The following PLCG1 variants were observed in gnomAD, a reference collection of about 807,000 sequenced individuals.
The protein encoded by PLCG1 is phospholipase C gamma 1, also known as 1-phosphatidylinositol 4,5-bisphosphate phosphodiesterase gamma-1.
Under a neutral mutation model 177.8 loss-of-function variants are expected in PLCG1, and 71 were observed. The observed-to-expected ratio is 0.40, with a 90% CI of 0.33 to 0.49. The LOEUF (loss-of-function observed/expected upper bound fraction) is 0.49. Among genes scored for constraint, PLCG1 ranks in the 20% least tolerant of loss-of-function variants. PLCG1 has a pLI of 0.72. For missense variants in PLCG1, 1,281 were observed against 1,709.0 expected, an observed-to-expected ratio of 0.75 and a Z score of 4.42; for synonymous variants, 658 against 647.9, an observed-to-expected ratio of 1.02 and a Z score of -0.24.
At chr20:41,139,536 C>T (rs1344557423) in intron 1 of PLCG1, among the ~76,000 whole-genome samples, 1 of 152,120 alleles carries the variant, frequency 6.6e-6, no homozygotes, top group Non-Finnish European at 1.5e-5. Context: ...TGTGTGTTTC[C>T]CGGCCAGTTA....
At position 41,167,591 on chromosome 20, in the gene PLCG1, T is replaced by C. The variant is rs1418003449; in HGVS notation, c.2302-261T>C. ...CCACCTGCACATAGCTCAGAAATAC[T>C]TGGGAGTTTGGGCATTTAGGACCTG... On this transcript the variant is annotated intron_variant, in intron 19 of 31. Transcript: ENST00000685551. This position sits in a 1 kb window ranked among gnomAD's most constrained non-coding sequence, Gnocchi z 4.4. The C allele has an allele frequency of 3.9e-6, 2 of 508,510 alleles. No individual in the cohort carries two copies. Among genetic ancestry groups the C allele is most frequent in the South Asian group, 4.6e-5 (2 of 43,728 alleles). The allele number at this position is 508,510 out of a possible 1,614,324, so 31.5% of individuals were successfully genotyped here. A position where few individuals can be genotyped will look rare whatever the true frequency, so the allele number is the denominator to read the frequency against.
rs1168423370 is a variant in PLCG1 at position 41,151,432 on chromosome 20, T to C, written c.218-8174T>C. On this transcript the variant is annotated intron_variant, in intron 1 of 31. Coordinates refer to ENST00000685551, the MANE Select transcript of PLCG1 (RefSeq NM_002660.3). This position sits in a 1 kb window ranked among gnomAD's most constrained non-coding sequence, Gnocchi z 5.5. ...TGGTTTGAAGGCAGCTGCTGCACAG[T>C]AATGGGAAGGACAGTAAGCCCCACC... Among the ~76,000 whole-genome samples, 2 of 152,228 alleles carry C rather than the reference T, an allele frequency of 1.3e-5. No homozygotes were observed. The highest frequency in any genetic ancestry group is 4.8e-5 in the African/African-American group (2 of 41,470).
In PLCG1 at chr20:41,148,866, A is replaced by G. The variant is rs548908226; in HGVS notation, c.218-10740A>G. Among the ~76,000 whole-genome samples the G allele has an allele frequency of 6.6e-6, 1 of 152,254 alleles. No individual in the cohort carries two copies. The highest frequency in any genetic ancestry group is 2.4e-5 in the African/African-American group (1 of 41,538). On this transcript the variant is annotated intron_variant, in intron 1 of 31. Coordinates refer to ENST00000685551, the MANE Select transcript of PLCG1 (RefSeq NM_002660.3). This position sits in a 1 kb window ranked among gnomAD's most constrained non-coding sequence, Gnocchi z 4.3. ...GCATTACAGAGCACACGTCTAGGGT[A>G]CAGGCAGTCTTGGCTTTGAAGTATT...
At chr20:41,139,262 G>C (rs890374642) in intron 1 of PLCG1, among the ~76,000 whole-genome samples, 5 of 152,198 alleles carry the variant, frequency 3.3e-5, no homozygotes, top group African/African-American at 1.2e-4. Context: ...ACATTTTAGT[G>C]ACTTGAGAGC....
At chr20:41,143,471 TG>T (rs903442194) in intron 1 of PLCG1, among the ~76,000 whole-genome samples, 8 of 152,042 alleles carry the variant, frequency 5.3e-5, no homozygotes. Flanking sequence ...GAGATGGGTG[TG>T]GGATAGGAGG....
At position 41,174,373 on chromosome 20, in the gene PLCG1, GT is replaced by G. The variant is rs869256984; in HGVS notation, c.3833+65del. On this transcript the variant is annotated intron_variant, in intron 31 of 31. Coordinates refer to ENST00000685551, the MANE Select transcript of PLCG1 (RefSeq NM_002660.3). This position sits in a 1 kb window ranked among gnomAD's most constrained non-coding sequence, Gnocchi z 5.8. ...AGTGGCTAGGTCCTCCTTCTTCAGT[GT>G]TTCTTTCTCCTGGGTAGAAAAGTTG... 1 of 1,602,286 alleles carries G rather than the reference GT, an allele frequency of 6.2e-7. No homozygotes were observed. Among genetic ancestry groups the G allele is most frequent in the African/African-American group, 1.3e-5 (1 of 74,640 alleles).
Position 41,176,443 on chromosome 20 carries a change from T to TATC in PLCG1, c.*1936_*1938dup, listed in dbSNP as rs969823603. 18 of 152,234 alleles carry TATC rather than the reference T, an allele frequency of 1.2e-4. No individual in the cohort carries two copies. Among genetic ancestry groups the TATC allele is most frequent in the Admixed American group, 9.8e-4 (15 of 15,286 alleles). 9.4% of individuals were successfully genotyped at this position (152,234 alleles called of 1,614,324 possible). On this transcript the variant is annotated 3_prime_UTR_variant, in exon 32 of 32. Coordinates refer to ENST00000685551, the MANE Select transcript of PLCG1 (RefSeq NM_002660.3). ...TTATGGCCTGGAGAGAAAGGTTTCC[T>TATC]ATCAGAGAAGGAAGAGGACTGTGTA...
chr20:41,176,020 C>G lies in PLCG1; in HGVS notation c.*1511C>G, dbSNP rs1170749060. ...CAACCAGAGCCCCTTTCCAGTTCCA[C>G]AGAAACCTCTCCTTTCAAAAATGTT... is the stretch of plus-strand genomic sequence containing the variant. On this transcript the variant is annotated 3_prime_UTR_variant, in exon 32 of 32. Transcript: ENST00000685551. 1.3e-5 allele frequency: 2 copies of G among 152,200 alleles called. No homozygotes were observed. The highest frequency in any genetic ancestry group is 4.8e-5 in the African/African-American group (2 of 41,436). 9.4% of individuals were successfully genotyped at this position (152,200 alleles called of 1,614,324 possible).
At chr20:41,171,728 C>T (rs538366562) in intron 24 of PLCG1, among the ~76,000 whole-genome samples, 11 of 151,688 alleles carry the variant, frequency 7.3e-5, no homozygotes, top group African/African-American at 1.9e-4. Context: ...GAGTTGGGGG[C>T]GCTGAGGCAG....
Position 41,167,443 on chromosome 20 carries a change from A to C in PLCG1, c.2302-409A>C, listed in dbSNP as rs1369162694. Among the ~76,000 whole-genome samples the C allele has an allele frequency of 6.6e-6, 1 of 152,126 alleles. No individual in the cohort carries two copies. On this transcript the variant is annotated intron_variant, in intron 19 of 31. Coordinates refer to ENST00000685551, the MANE Select transcript of PLCG1 (RefSeq NM_002660.3). This position sits in a 1 kb window ranked among gnomAD's most constrained non-coding sequence, Gnocchi z 4.4. ...GTTGTCCACTGGCACCTGGGACTCA[A>C]GTGATGGAGAGGAGCGGCAGGAGGA... is the stretch of plus-strand genomic sequence containing the variant.
Position 41,169,064 on chromosome 20 carries a change from C to T in PLCG1, c.2484-15C>T, listed in dbSNP as rs372994756. On this transcript the variant is annotated splice_polypyrimidine_tract_variant and intron_variant, in intron 21 of 31. Transcript: ENST00000685551. ...GGGGTGGTTGCTGGAGGTCAGCACC[C>T]TGTGGCTCCCACAGGTGGCGAGGGG... 4 of 1,604,820 alleles carry T rather than the reference C, an allele frequency of 2.5e-6. No individual in the cohort carries two copies. In the African/African-American group the frequency reaches 4.0e-5, roughly 16 times the overall value.
rs2035751723 is a variant in PLCG1 at position 41,167,759 on chromosome 20, C to CT, written c.2302-92dup. 1.1e-6 allele frequency: 1 copy of CT among 896,026 alleles called. No individual in the cohort carries two copies. Among genetic ancestry groups the CT allele is most frequent in the Admixed American group, 2.0e-5 (1 of 51,240 alleles). The allele number at this position is 896,026 out of a possible 1,614,324, so 55.5% of individuals were successfully genotyped here. The stretch of plus-strand genomic sequence containing the variant: ...GTGGATCAGGTGCAAGTTTGCTGCA[C>CT]TGGGGGAAAGGGAAGCTGCTCCAGA... On this transcript the variant is annotated intron_variant, in intron 19 of 31. Transcript: ENST00000685551. This position sits in a 1 kb window ranked among gnomAD's most constrained non-coding sequence, Gnocchi z 4.4.
intron 24 of PLCG1, chr20:41,170,525 A>C: frequency 2.2e-6 from 1 of 452,700 alleles, no homozygotes; most frequent in Non-Finnish European, 4.0e-6. Context: ...AATTGGATAC[A>C]CAAGACCAGA....
rs1289792219 is a variant in PLCG1 at position 41,173,614 on chromosome 20, C to T, written c.3395-38C>T. 2.5e-6 allele frequency: 4 copies of T among 1,613,998 alleles called. No homozygotes were observed. The highest frequency in any genetic ancestry group is 1.3e-5 in the African/African-American group (1 of 74,884). ...TCCCCACCAGTCATCCCATCCTCTC[C>T]CACGGTGACCTGAAGCCTTTTGTCG... On this transcript the variant is annotated intron_variant, in intron 28 of 31. Coordinates refer to ENST00000685551, the MANE Select transcript of PLCG1 (RefSeq NM_002660.3). The surrounding 1 kb of genome is among the most constrained non-coding windows in gnomAD (Gnocchi z 6.2).
At chr20:41,143,605 C>T (rs1483213165) in intron 1 of PLCG1, among the ~76,000 whole-genome samples, 4 of 152,164 alleles carry the variant, frequency 2.6e-5, no homozygotes, top group African/African-American at 9.7e-5. Context: ...GGTGGAGCCA[C>T]GGGTGAGGAG....
At chr20:41,143,015 A>C (rs568289152) in intron 1 of PLCG1, among the ~76,000 whole-genome samples, 5 of 152,218 alleles carry the variant, frequency 3.3e-5, no homozygotes, top group African/African-American at 1.2e-4. Flanking sequence ...TGCAGCTCTC[A>C]GCAGTCCCTC....
chr20:41,172,155 T>G lies in PLCG1; in HGVS notation c.2809-38T>G, dbSNP rs1309682920. 1.3e-6 allele frequency: 2 copies of G among 1,530,742 alleles called. No homozygotes were observed. The highest frequency in any genetic ancestry group is 1.8e-6 in the Non-Finnish European group (2 of 1,103,796). 94.8% of individuals were successfully genotyped at this position (1,530,742 alleles called of 1,614,324 possible). On this transcript the variant is annotated intron_variant, in intron 24 of 31. Coordinates refer to ENST00000685551, the MANE Select transcript of PLCG1 (RefSeq NM_002660.3). This position sits in a 1 kb window ranked among gnomAD's most constrained non-coding sequence, Gnocchi z 7.0. ...GGGGCTTCCTTCTCCTGGGCAGGGC[T>G]GTAGCCTGGGGCTACAGGGCCTTGT... is the stretch of plus-strand genomic sequence containing the variant.
chr20:41,173,767 G>A lies in PLCG1; in HGVS notation c.3510G>A (p.Gln1170=), dbSNP rs1291877426. 1.2e-6 allele frequency: 2 copies of A among 1,614,162 alleles called. No individual in the cohort carries two copies. The highest frequency in any genetic ancestry group is 1.7e-6 in the Non-Finnish European group (2 of 1,180,016). Reference sequence around the variant, plus strand: ...ATGAGGAAGACATGTTTAGTGACCAGAATTTCCTGGCTCAGGCTACTTTCC... The same window carrying A: ...ATGAGGAAGACATGTTTAGTGACCAAAATTTCCTGGCTCAGGCTACTTTCC... ...VVYEEDMFSD[Q]NFLAQATFPV... Residue 1170 remains glutamine (Q), a synonymous_variant, in exon 29 of 32, where the codon CAG becomes CAA. Coordinates refer to ENST00000685551, the MANE Select transcript of PLCG1 (RefSeq NM_002660.3). This position sits in a 1 kb window ranked among gnomAD's most constrained non-coding sequence, Gnocchi z 6.2.
chr20:41,171,659 G>C (rs575549338), intron 24 of PLCG1, among the ~76,000 whole-genome samples: 1 of 151,056 alleles, frequency 6.6e-6, no homozygotes, highest in East Asian at 2.0e-4. Context: ...GTGCTTGTAA[G>C]TGGGCTTCTG....
Sources: gnomAD v4.1 joint callset for allele counts (sites outside exome capture counted in the v4.1 genomes callset) on GRCh38, gnomAD v4.1.1 for gene constraint, Gnocchi (gnomAD v3.1) non-coding constraint, MANE v1.5 for transcripts, NCBI Gene and HGNC (gene_info 2026-07-23, HGNC 2026-07-21) for gene names.